ARHGAP32: variants seen among roughly 807,000 people sequenced by gnomAD.
The protein encoded by ARHGAP32 is Rho GTPase activating protein 32, also known as rho GTPase-activating protein 32.
A neutral mutation model predicts 186.5 loss-of-function variants in ARHGAP32; 51 were observed. That is an observed-to-expected ratio of 0.27 (90% CI 0.22 to 0.35). The LOEUF (loss-of-function observed/expected upper bound fraction) is 0.35. Ranked by LOEUF, ARHGAP32 falls within the 10% of genes least tolerant of loss-of-function variation. The pLI, the probability that ARHGAP32 is intolerant of heterozygous loss-of-function variation, is 1.00. For missense variants in ARHGAP32, 2,186 were observed against 2,623.5 expected, an observed-to-expected ratio of 0.83 and a Z score of 3.64; for synonymous variants, 950 against 964.3, an observed-to-expected ratio of 0.99 and a Z score of 0.27.
At position 129,123,886 on chromosome 11, in the gene ARHGAP32, A is replaced by C. The variant is rs1056431682; in HGVS notation, c.359+2T>G. On this transcript the variant is annotated splice_donor_variant, in intron 4 of 22. Coordinates refer to ENST00000682385, the MANE Select transcript of ARHGAP32 (RefSeq NM_001378024.1). LOFTEE classifies it high-confidence loss of function. This position sits in a 1 kb window ranked among gnomAD's most constrained non-coding sequence, Gnocchi z 4.6. Reference sequence around the variant, plus strand: ...AACACAAAGTAGAAAACCAGATTTTACCTGTGAATGTTGTCACAGCCCATC... The same window carrying C: ...AACACAAAGTAGAAAACCAGATTTTCCCTGTGAATGTTGTCACAGCCCATC... The C allele has an allele frequency of 3.1e-6, 4 of 1,297,366 alleles. 1 individual carries two copies. The Admixed American group carries it at 6.9e-5, about 22-fold the overall frequency. The allele number at this position is 1,297,366 out of a possible 1,614,324, so 80.4% of individuals were successfully genotyped here.
intron 6 of ARHGAP32, among the ~76,000 whole-genome samples, chr11:129,089,068 C>CA (rs1334125831): frequency 6.9e-6 from 1 of 145,818 alleles, no homozygotes; most frequent in Non-Finnish European, 1.5e-5. Context: ...CCAAGCATGA[C>CA]AAAAATCAAC....
chr11:129,040,893 TA>T, intron 11 of ARHGAP32, 34 bp downstream of exon 11: 1 of 1,482,458 alleles, frequency 6.7e-7, no homozygotes, highest in African/African-American at 1.4e-5. Context: ...AAGCAGTTGA[TA>T]AAATAACTAC....
intron 10 of ARHGAP32, among the ~76,000 whole-genome samples, chr11:129,042,385 T>C (rs1939633502): frequency 6.6e-6 from 1 of 152,212 alleles, no homozygotes; most frequent in South Asian, 2.1e-4. Flanking sequence ...AAGATGTGAA[T>C]TTGGGATTCC....
intron 1 of ARHGAP32, among the ~76,000 whole-genome samples, chr11:129,236,170 A>G (rs1407591556): frequency 1.3e-5 from 2 of 152,180 alleles, no homozygotes; most frequent in Non-Finnish European, 2.9e-5. Context: ...TGGTTGCGCT[A>G]GTTTCCATTC....
chr11:129,125,500 T>G (rs1259496278), intron 2 of ARHGAP32, among the ~76,000 whole-genome samples: 1 of 152,132 alleles, frequency 6.6e-6, no homozygotes, highest in East Asian at 1.9e-4. Flanking sequence ...AAATTTGTGC[T>G]ATAATACCTA....
intron 20 of ARHGAP32, 29 bp from the exon 21 acceptor site, chr11:128,975,031 T>A: frequency 1.3e-6 from 2 of 1,569,936 alleles, no homozygotes; most frequent in Non-Finnish European, 1.7e-6. Flanking sequence ...AGTGTCAAAG[T>A]AAGAACATCG....
chr11:129,134,503 C>T (rs555153558), intron 2 of ARHGAP32, among the ~76,000 whole-genome samples: 28 of 151,884 alleles, frequency 1.8e-4, no homozygotes, highest in Non-Finnish European at 3.5e-4. Context: ...AGTAAATACA[C>T]AAAAATTAAC....
At chr11:129,188,793 C>T (rs749619545) in intron 1 of ARHGAP32, among the ~76,000 whole-genome samples, 19 of 152,206 alleles carry the variant, frequency 1.2e-4, no homozygotes, top group South Asian at 2.1e-4. Context: ...TGGAGATATA[C>T]GTGAAGATCA....
intron 6 of ARHGAP32, among the ~76,000 whole-genome samples, chr11:129,081,736 G>A (rs550257830): frequency 4.0e-5 from 6 of 151,598 alleles, no homozygotes; most frequent in African/African-American, 1.5e-4. Flanking sequence ...ACATAGTACT[G>A]GAAGTCCTAG....
At chr11:129,184,906 A>T (rs573344626) in intron 1 of ARHGAP32, among the ~76,000 whole-genome samples, 4 of 152,332 alleles carry the variant, frequency 2.6e-5, no homozygotes, top group African/African-American at 9.6e-5. Flanking sequence ...TTAAGAACGT[A>T]TCAGGCAAAT....
At chr11:128,985,858 GTA>G (rs1555063867) in intron 15 of ARHGAP32, 143 bp downstream of exon 15, 2,080 of 95,748 alleles carry the variant, frequency 0.022, 41 homozygotes, top group South Asian at 0.066. Context: ...GTGTGTGTGT[GTA>G]TATATATATA....
At chr11:129,257,711 A>G (rs989326500) in intron 1 of ARHGAP32, among the ~76,000 whole-genome samples, 1 of 96,348 alleles carries the variant, frequency 1.0e-5, no homozygotes, top group African/African-American at 4.1e-5. Flanking sequence ...TAACCAAAAA[A>G]AAAAAAAAAA....
At chr11:129,012,255 A>C (rs1938118790) in intron 11 of ARHGAP32, among the ~76,000 whole-genome samples, 1 of 152,226 alleles carries the variant, frequency 6.6e-6, no homozygotes, top group Non-Finnish European at 1.5e-5. Context: ...TTGTGGGACA[A>C]AACAAAGATT....
chr11:129,033,052 T>C (rs528429456), intron 11 of ARHGAP32, among the ~76,000 whole-genome samples: 49 of 152,252 alleles, frequency 3.2e-4, no homozygotes, highest in Non-Finnish European at 6.3e-4. Context: ...TGTAAGTGTG[T>C]ATATCAGGAC....
chr11:129,247,161 A>AT (rs1275894670), intron 1 of ARHGAP32, among the ~76,000 whole-genome samples: 6 of 152,224 alleles, frequency 3.9e-5, no homozygotes, highest in African/African-American at 1.4e-4. Context: ...TAAAATGCTT[A>AT]TTCCACAATT....
chr11:128,972,430 C>A, intron 22 of ARHGAP32, 23 bp downstream of exon 22: 1 of 1,507,786 alleles, frequency 6.6e-7, no homozygotes, highest in South Asian at 1.4e-5. Flanking sequence ...TATTTCATCT[C>A]ACTGATATCT....
intron 12 of ARHGAP32, among the ~76,000 whole-genome samples, chr11:128,993,607 A>G (rs962667901): frequency 1.4e-4 from 21 of 151,900 alleles, no homozygotes; most frequent in African/African-American, 4.8e-4. Flanking sequence ...TTAGACTTTA[A>G]AATAGTCTCT....
chr11:129,076,714 C>T (rs1941054689), intron 6 of ARHGAP32, among the ~76,000 whole-genome samples: 1 of 152,116 alleles, frequency 6.6e-6, no homozygotes, highest in Non-Finnish European at 1.5e-5. Flanking sequence ...TGAACGCATG[C>T]ATCAGAAAAG....
At chr11:129,077,289 G>A (rs1216815221) in intron 6 of ARHGAP32, among the ~76,000 whole-genome samples, 1 of 152,162 alleles carries the variant, frequency 6.6e-6, no homozygotes, top group Non-Finnish European at 1.5e-5. Context: ...ATCCAGGTTG[G>A]GTTGGGAGGT....
Sources: gnomAD v4.1 joint callset for allele counts (sites outside exome capture counted in the v4.1 genomes callset) on GRCh38, gnomAD v4.1.1 for gene constraint, Gnocchi (gnomAD v3.1) non-coding constraint, MANE v1.5 for transcripts, NCBI Gene and HGNC (gene_info 2026-07-23, HGNC 2026-07-21) for gene names.